The following MED24 variants were observed in gnomAD, a reference collection of about 807,000 sequenced individuals.
MED24 encodes the protein mediator of RNA polymerase II transcription subunit 24.
MED24 carries 74 observed loss-of-function variants against 118.8 expected under a neutral mutation model. The ratio of observed to expected loss-of-function variants is 0.62; its 90% CI spans 0.52 to 0.76. MED24 has a LOEUF of 0.76. MED24 is among the 30% of genes least tolerant of loss of function. MED24 has a pLI of 0.00. For missense variants in MED24, 1,041 were observed against 1,278.9 expected (o/e 0.81, Z 2.84); for synonymous variants, 521 against 523.9 (o/e 0.99, Z 0.08).
intron 19 of MED24, among the ~76,000 whole-genome samples, chr17:40,024,624 C>T (rs762711775): frequency 6.6e-6 from 1 of 152,218 alleles, no homozygotes; most frequent in Non-Finnish European, 1.5e-5. Flanking sequence ...TGGTAAACAC[C>T]CATGTTCACA....
chr17:40,039,832 G>A (rs904377203), intron 3 of MED24, among the ~76,000 whole-genome samples: 23 of 145,494 alleles, frequency 1.6e-4, no homozygotes, highest in Non-Finnish European at 3.1e-4. Context: ...CGCCCAGGCT[G>A]GAGTGCAGCG....
At chr17:40,027,660 C>G (rs929881799) in intron 15 of MED24, 195 bp from the exon 16 acceptor site, 6 of 665,044 alleles carry the variant, frequency 9.0e-6, no homozygotes, top group Non-Finnish European at 1.5e-5. Flanking sequence ...CCCCCAGCAC[C>G]CTCTCCTGGC....
At chr17:40,035,875 G>C in intron 4 of MED24, 80 bp from the exon 5 acceptor site, 2 of 1,377,832 alleles carry the variant, frequency 1.5e-6, no homozygotes, top group Non-Finnish European at 2.0e-6. Context: ...GTGCATTCAG[G>C]ACTCCTGCTC....
In MED24 at chr17:40,022,650, A is replaced by C; in HGVS notation, c.2427T>G (p.Leu809=). The change falls in exon 21 of 26, where the codon CTT becomes CTG. Residue 809 remains leucine (L), a synonymous_variant. Coordinates refer to ENST00000394128, the MANE Select transcript of MED24 (RefSeq NM_014815.4). ...HSLMDPPGTA[L]AKLAVWCALS... is the part of the protein sequence containing the mutation. ...AGCTCTGAAGAGAATCTTACTTGGC[A>C]AGAGCAGTGCCCGGGGGGTCCATGA... The C allele has an allele frequency of 6.2e-7, 1 of 1,613,364 alleles. No individual in the cohort carries two copies. The highest frequency in any genetic ancestry group is 2.2e-5 in the East Asian group (1 of 44,856).
chr17:40,044,205 T>C (rs1163323758), intron 3 of MED24, among the ~76,000 whole-genome samples: 1 of 151,320 alleles, frequency 6.6e-6, no homozygotes, highest in Non-Finnish European at 1.5e-5. Context: ...TGTGTATTTA[T>C]GAATACATAA....
chr17:40,049,812 C>A (rs961017035), intron 3 of MED24, among the ~76,000 whole-genome samples: 1 of 151,812 alleles, frequency 6.6e-6, no homozygotes, highest in African/African-American at 2.4e-5. Flanking sequence ...GCGTGAGCCA[C>A]CACACCCCAC....
At position 40,023,373 on chromosome 17, in the gene MED24, G is replaced by A; in HGVS notation, c.2008C>T (p.Leu670=). ...AGCACGTCGGCACACATGCGCTCCA[G>A]GATCGAGTTCATGATCACCACCCTG... is the stretch of plus-strand genomic sequence containing the variant. ...NERVVIMNSI[L]ERMCADVLQQ... The change falls in exon 20 of 26, where the codon CTG becomes TTG. Residue 670 remains leucine, a synonymous_variant. Transcript: ENST00000394128. 1 of 1,601,504 alleles carries A rather than the reference G, an allele frequency of 6.2e-7. No individual in the cohort carries two copies. Among genetic ancestry groups the A allele is most frequent in the Non-Finnish European group, 8.5e-7 (1 of 1,172,490 alleles).
chr17:40,021,943 C>A lies in MED24; in HGVS notation c.2623+12G>T, dbSNP rs1982066661. The A allele has an allele frequency of 6.3e-7, 1 of 1,580,876 alleles. No individual in the cohort carries two copies. The highest frequency in any genetic ancestry group is 8.6e-7 in the Non-Finnish European group (1 of 1,161,274). ...GGAAAAGGAGCGGCGCGCGGCCAGC[C>A]CACACACTCACTGGGGCTCGAAAGG... On this transcript the variant is annotated intron_variant, in intron 23 of 25. Coordinates refer to ENST00000394128, the MANE Select transcript of MED24 (RefSeq NM_014815.4).
At chr17:40,030,583 G>A (rs571230773) in intron 12 of MED24, among the ~76,000 whole-genome samples, 3 of 152,048 alleles carry the variant, frequency 2.0e-5, no homozygotes, top group South Asian at 2.1e-4. Flanking sequence ...GTGAGCCACC[G>A]CAGCCGGCCT....
intron 3 of MED24, among the ~76,000 whole-genome samples, chr17:40,049,856 G>A (rs1207827393): frequency 1.3e-5 from 2 of 151,414 alleles, no homozygotes; most frequent in Non-Finnish European, 1.5e-5. Flanking sequence ...GTGTAAAAGA[G>A]ATACACATTC....
In MED24 at chr17:40,029,566, C is replaced by T. The variant is rs74454730; in HGVS notation, c.1266+182G>A. ...TGCAGTGCCTGGTGTACAAATGAAG[C>T]TCCCACGGGTTAGCATTCAGTGGTA... On this transcript the variant is annotated intron_variant, in intron 13 of 25. Transcript: ENST00000394128. Among the ~76,000 whole-genome samples the T allele has an allele frequency of 8.8e-3, 1,345 of 152,316 alleles. 11 individuals carry two copies. The highest frequency in any genetic ancestry group is 0.031 in the Middle Eastern group (9 of 294).
At chr17:40,020,062 A>T in intron 24 of MED24, 129 bp from the exon 25 acceptor site, 1 of 1,222,616 alleles carries the variant, frequency 8.2e-7, no homozygotes, top group Non-Finnish European at 1.2e-6. Flanking sequence ...ATGGGGTGTC[A>T]GAGAGAGAAA....
chr17:40,031,520 G>A lies in MED24; in HGVS notation c.1067+18C>T. On this transcript the variant is annotated intron_variant, in intron 11 of 25. Transcript: ENST00000394128. ...GAACGCCTTCCAGTAGGGCGGGGGT[G>A]ACCAGGGGAGCTCATACTTGCAGCG... 1 of 1,610,888 alleles carries A rather than the reference G, an allele frequency of 6.2e-7. No homozygotes were observed. Among genetic ancestry groups the A allele is most frequent in the Non-Finnish European group, 8.5e-7 (1 of 1,177,204 alleles).
chr17:40,020,231 C>G (rs1568151991), intron 24 of MED24, 42 bp downstream of exon 24: 3 of 1,468,704 alleles, frequency 2.0e-6, no homozygotes, highest in Admixed American at 2.5e-5. Context: ...AGAGACTCGT[C>G]CAGCTTAGCC....
At chr17:40,045,944 A>AT (rs1307791720) in intron 3 of MED24, among the ~76,000 whole-genome samples, 1 of 150,708 alleles carries the variant, frequency 6.6e-6, no homozygotes, top group Non-Finnish European at 1.5e-5. Flanking sequence ...CACCCAGGTA[A>AT]TTTTTTGTAT....
chr17:40,027,083 C>A, intron 16 of MED24, 49 bp from the exon 17 acceptor site: 1 of 1,594,944 alleles, frequency 6.3e-7, no homozygotes, highest in South Asian at 1.1e-5. Flanking sequence ...GGCGCGGCGC[C>A]TGCCAGCGCT....
chr17:40,036,272 C>T, intron 3 of MED24, 118 bp from the exon 4 acceptor site: 2 of 964,556 alleles, frequency 2.1e-6, no homozygotes, highest in South Asian at 2.9e-5. Flanking sequence ...TCCACAGGCC[C>T]TCTTCAACCC....
rs1348458496 is a variant in MED24 at position 40,033,952 on chromosome 17, ACT to A, written c.560-498_560-497del. 6.6e-6 allele frequency among the ~76,000 whole-genome samples: 1 copy of A among 150,776 alleles called. No individual in the cohort carries two copies. Among genetic ancestry groups the A allele is most frequent in the African/African-American group, 2.4e-5 (1 of 40,914 alleles). On this transcript the variant is annotated intron_variant, in intron 6 of 25. Coordinates refer to ENST00000394128, the MANE Select transcript of MED24 (RefSeq NM_014815.4). This position sits in a 1 kb window ranked among gnomAD's most constrained non-coding sequence, Gnocchi z 5.2. ...CTCCCCTGCTGAAGGCCTCTTACACACTCTCTCTCAAACTCCCACCATGCTCT... is the reference window on the plus strand; with the variant it reads ...CTCCCCTGCTGAAGGCCTCTTACACACTCTCTCAAACTCCCACCATGCTCT...
intron 3 of MED24, among the ~76,000 whole-genome samples, chr17:40,043,804 T>C (rs796586824): frequency 1.0e-4 from 15 of 147,592 alleles, no homozygotes; most frequent in African/African-American, 3.8e-4. Context: ...GGCAGGAGAA[T>C]GGCATGAACC....
Sources: allele counts gnomAD v4.1 joint callset (sites outside exome capture counted in the v4.1 genomes callset), GRCh38; gene constraint gnomAD v4.1.1; non-coding constraint Gnocchi (gnomAD v3.1); transcripts MANE v1.5; gene names NCBI Gene and HGNC (gene_info 2026-07-23, HGNC 2026-07-21).